The following VKORC1L1 variants were observed in gnomAD, a reference collection of about 807,000 sequenced individuals.
VKORC1L1 encodes the protein vitamin K epoxide reductase complex subunit 1-like protein 1.
Under a neutral mutation model 18.9 loss-of-function variants are expected in VKORC1L1, and 2 were observed. The observed-to-expected ratio is 0.11, with a 90% CI of 0.04 to 0.33. The LOEUF (loss-of-function observed/expected upper bound fraction) is 0.33. VKORC1L1 is among the 10% of genes least tolerant of loss of function. VKORC1L1 has a pLI of 1.00. For synonymous variants in VKORC1L1, 96 were observed against 100.0 expected, an observed-to-expected ratio of 0.96 and a Z score of 0.24; for missense variants, 123 against 224.1, an observed-to-expected ratio of 0.55 and a Z score of 2.88.
intron 1 of VKORC1L1, among the ~76,000 whole-genome samples, chr7:65,874,073 C>T (rs983056755): frequency 1.3e-5 from 2 of 152,196 alleles, no homozygotes; most frequent in Admixed American, 1.3e-4. Context: ...CCACTGTCTT[C>T]CTGGTGCTAG....
At chr7:65,915,168 T>C (rs2115592722) in intron 1 of VKORC1L1, among the ~76,000 whole-genome samples, 1 of 149,938 alleles carries the variant, frequency 6.7e-6, no homozygotes, top group Middle Eastern at 3.4e-3. Flanking sequence ...CTCGGCTCAC[T>C]GCAAGCTCCG....
At chr7:65,940,287 C>T (rs1202733811) in intron 1 of VKORC1L1, among the ~76,000 whole-genome samples, 1 of 152,126 alleles carries the variant, frequency 6.6e-6, no homozygotes, top group Non-Finnish European at 1.5e-5. Flanking sequence ...CAAAGTTCTG[C>T]AATAACAGGC....
intron 1 of VKORC1L1, among the ~76,000 whole-genome samples, chr7:65,894,955 T>C (rs1789167553): frequency 6.6e-6 from 1 of 152,198 alleles, no homozygotes; most frequent in East Asian, 1.9e-4. Flanking sequence ...TGCAAAACTT[T>C]ACTGAAGCTC....
chr7:65,876,657 A>G (rs2116321501), intron 1 of VKORC1L1, among the ~76,000 whole-genome samples: 1 of 152,264 alleles, frequency 6.6e-6, no homozygotes, highest in South Asian at 2.1e-4. Context: ...GCTCAAATCT[A>G]AGGGATCTGG....
chr7:65,930,836 C>A (rs1789845921), intron 1 of VKORC1L1, among the ~76,000 whole-genome samples: 1 of 152,042 alleles, frequency 6.6e-6, no homozygotes, highest in African/African-American at 2.4e-5. Context: ...CGTCTTTCCC[C>A]ATTGAATGTG....
intron 1 of VKORC1L1, among the ~76,000 whole-genome samples, chr7:65,896,008 G>A (rs1789205061): frequency 6.9e-6 from 1 of 145,448 alleles, no homozygotes. Flanking sequence ...CGATTCTCCT[G>A]CCTCAGCTTC....
intron 1 of VKORC1L1, among the ~76,000 whole-genome samples, chr7:65,918,976 T>A (rs995351654): frequency 6.6e-6 from 1 of 152,136 alleles, no homozygotes; most frequent in Non-Finnish European, 1.5e-5. Context: ...GTGATTGTAA[T>A]CCCAGCTACT....
chr7:65,931,878 G>A (rs952124169), intron 1 of VKORC1L1, among the ~76,000 whole-genome samples: 26 of 152,194 alleles, frequency 1.7e-4, no homozygotes, highest in African/African-American at 5.5e-4. Context: ...CTGACCTCAG[G>A]TGATCCCTGG....
At chr7:65,948,394 A>G (rs1408496081) in intron 1 of VKORC1L1, among the ~76,000 whole-genome samples, 6 of 136,300 alleles carry the variant, frequency 4.4e-5, no homozygotes, top group Non-Finnish European at 7.8e-5. Context: ...ACTTTGCCCT[A>G]CCTTCTGGAG....
intron 1 of VKORC1L1, among the ~76,000 whole-genome samples, chr7:65,908,414 AAAG>A (rs989568599): frequency 3.2e-4 from 48 of 152,074 alleles, no homozygotes; most frequent in Non-Finnish European, 6.2e-4. Flanking sequence ...CTCCATCTCA[AAAG>A]AAGAAGAACA....
intron 1 of VKORC1L1, among the ~76,000 whole-genome samples, chr7:65,895,516 T>TATATATATACAC (rs370356956): frequency 3.1e-4 from 22 of 71,584 alleles, no homozygotes; most frequent in Non-Finnish European, 5.3e-4. Context: ...TATATATATA[T>TATATATATACAC]ACACACACAC....
chr7:65,902,711 G>A (rs1190010427), intron 1 of VKORC1L1, among the ~76,000 whole-genome samples: 1 of 152,014 alleles, frequency 6.6e-6, no homozygotes, highest in Non-Finnish European at 1.5e-5. Flanking sequence ...CAAACTGTTG[G>A]CAACCCATTA....
intron 1 of VKORC1L1, among the ~76,000 whole-genome samples, chr7:65,929,872 A>G (rs548292695): frequency 1.3e-5 from 2 of 151,820 alleles, no homozygotes; most frequent in African/African-American, 2.4e-5. Context: ...GCAGAGATCA[A>G]TCTGAGGATA....
At chr7:65,940,208 A>G in intron 1 of VKORC1L1, among the ~76,000 whole-genome samples, 1 of 151,930 alleles carries the variant, frequency 6.6e-6, no homozygotes, top group East Asian at 1.9e-4. Context: ...TATGTTTTCT[A>G]GAGATGGGGT....
intron 1 of VKORC1L1, among the ~76,000 whole-genome samples, chr7:65,873,868 C>T (rs1274422195): frequency 6.7e-6 from 1 of 150,364 alleles, no homozygotes; most frequent in South Asian, 2.1e-4. Flanking sequence ...GGCTGGGGCC[C>T]GGCTGTGCAG....
intron 2 of VKORC1L1, among the ~76,000 whole-genome samples, chr7:65,951,852 T>G (rs1790219152): frequency 6.6e-6 from 1 of 152,224 alleles, no homozygotes; most frequent in Non-Finnish European, 1.5e-5. Context: ...ATCAGTATAT[T>G]AAATGTCTTC....
intron 1 of VKORC1L1, among the ~76,000 whole-genome samples, chr7:65,945,489 G>A (rs1790105301): frequency 6.6e-6 from 1 of 151,976 alleles, no homozygotes; most frequent in South Asian, 2.1e-4. Context: ...GTGGGCGCCT[G>A]TAGTCCCAGC....
intron 1 of VKORC1L1, among the ~76,000 whole-genome samples, chr7:65,897,019 T>TAAAC (rs899259384): frequency 1.3e-5 from 2 of 152,010 alleles, no homozygotes; most frequent in African/African-American, 4.8e-5. Context: ...AATAAATAAA[T>TAAAC]AAACAGACAA....
chr7:65,941,548 G>T (rs1790032971), intron 1 of VKORC1L1, among the ~76,000 whole-genome samples: 1 of 151,752 alleles, frequency 6.6e-6, no homozygotes, highest in South Asian at 2.1e-4. Context: ...ATATTATGAT[G>T]TTAATATAAT....
Sources: gnomAD v4.1 joint callset for allele counts (sites outside exome capture counted in the v4.1 genomes callset) on GRCh38, gnomAD v4.1.1 for gene constraint, MANE v1.5 for transcripts, NCBI Gene and HGNC (gene_info 2026-07-23, HGNC 2026-07-21) for gene names.